Variants in FGR observed in about 807,000 individuals in gnomAD.
FGR encodes the protein FGR proto-oncogene, Src family tyrosine kinase, also known as tyrosine-protein kinase Fgr.
FGR carries 26 observed loss-of-function variants against 63.2 expected under a neutral mutation model. The observed-to-expected ratio is 0.41, with a 90% confidence interval of 0.30 to 0.57. FGR has a LOEUF of 0.57. Among genes scored for constraint, FGR ranks in the 20% least tolerant of loss-of-function variants. The pLI is 0.27. For synonymous variants in FGR, 286 were observed against 277.7 expected, an observed-to-expected ratio of 1.03 and a Z score of -0.30; for missense variants, 511 against 690.8, an observed-to-expected ratio of 0.74 and a Z score of 2.92.
At chr1:27,633,469 G>T (rs2090135157) in intron 1 of FGR, among the ~76,000 whole-genome samples, 1 of 152,212 alleles carries the variant, frequency 6.6e-6, no homozygotes, top group South Asian at 2.1e-4. Context: ...CCCAGTATGG[G>T]CTCTCATCAG....
chr1:27,627,436 G>C (rs2090038793), intron 1 of FGR, among the ~76,000 whole-genome samples: 1 of 129,002 alleles, frequency 7.8e-6, no homozygotes, highest in Non-Finnish European at 1.6e-5. Flanking sequence ...ACATAGATGT[G>C]CATGCACATG....
chr1:27,627,003 T>TAA (rs112735579), intron 1 of FGR, among the ~76,000 whole-genome samples: 5 of 150,488 alleles, frequency 3.3e-5, no homozygotes, highest in African/African-American at 1.2e-4. Flanking sequence ...CCCGTCTCTA[T>TAA]AAAAAAAAAT....
At chr1:27,621,449 G>C (rs1183945569) in intron 5 of FGR, 110 bp downstream of exon 5, 7 of 724,104 alleles carry the variant, frequency 9.7e-6, no homozygotes, top group Non-Finnish European at 1.8e-5. Context: ...AAAATTATTA[G>C]ATAAGGAGAC....
At chr1:27,620,584 C>T (rs2089902129) in intron 5 of FGR, among the ~76,000 whole-genome samples, 1 of 151,774 alleles carries the variant, frequency 6.6e-6, no homozygotes, top group South Asian at 2.1e-4. Flanking sequence ...GTCACTGTAC[C>T]CCAGCCTGGG....
chr1:27,613,467 C>T, intron 11 of FGR, 117 bp from the exon 12 acceptor site: 1 of 1,146,646 alleles, frequency 8.7e-7, no homozygotes, highest in Non-Finnish European at 1.2e-6. Flanking sequence ...CTTTGGGAGG[C>T]CAAGGCAGGC....
intron 5 of FGR, among the ~76,000 whole-genome samples, chr1:27,618,620 G>T (rs761336647): frequency 6.6e-6 from 1 of 151,904 alleles, no homozygotes; most frequent in Non-Finnish European, 1.5e-5. Context: ...TCTTCTTCAC[G>T]CCTCCTACCA....
chr1:27,621,635 G>A lies in FGR; in HGVS notation c.352C>T (p.Arg118Trp), dbSNP rs774209795. Residue 118 changes from arginine (R) to tryptophan (W), a missense_variant, in exon 5 of 13, where the codon CGG becomes TGG. Coordinates refer to ENST00000374005, the MANE Select transcript of FGR (RefSeq NM_005248.3). ...CCAGTTTTTCCGGAGCTGAGAGACC[G>A]AGCCTCCCACCAGTCACCTTCACTG... Reference protein sequence around the residue: ...NNTEGDWWEARSLSSGKTGCI... With the variant: ...NNTEGDWWEAWSLSSGKTGCI... 20 of 1,613,732 alleles carry A rather than the reference G, an allele frequency of 1.2e-5. No homozygotes were observed. Among genetic ancestry groups the A allele is most frequent in the South Asian group, 8.8e-5 (8 of 91,068 alleles).
chr1:27,620,991 CAAAAAAAAAAA>C lies in FGR; in HGVS notation c.428+557_428+567del, dbSNP rs59265327. Among the ~76,000 whole-genome samples, 63 of 22,038 alleles carry C rather than the reference CAAAAAAAAAAA, an allele frequency of 2.9e-3. No individual in the cohort carries two copies. The South Asian group carries it at 0.055, about 19-fold the overall frequency. The allele number at this position is 22,038 out of a possible 152,430, so 14.5% of individuals were successfully genotyped here. ...TAGGCAACAGAGTAGGACCCTGTCTCAAAAAAAAAAAAAAAAAAAAAAAAAAAAGAAAGAAA... is the reference window on the plus strand; with the variant it reads ...TAGGCAACAGAGTAGGACCCTGTCTCAAAAAAAAAAAAAAAAAGAAAGAAA... On this transcript the variant is annotated intron_variant, in intron 5 of 12. Coordinates refer to ENST00000374005, the MANE Select transcript of FGR (RefSeq NM_005248.3).
chr1:27,617,374 G>T lies in FGR; in HGVS notation c.429-78C>A. 1.0e-6 allele frequency: 1 copy of T among 990,298 alleles called. No individual in the cohort carries two copies. The highest frequency in any genetic ancestry group is 1.6e-6 in the Non-Finnish European group (1 of 624,968). 61.3% of individuals were successfully genotyped at this position (990,298 alleles called of 1,614,324 possible). On this transcript the variant is annotated intron_variant, in intron 5 of 12. Transcript: ENST00000374005. This position sits in a 1 kb window ranked among gnomAD's most constrained non-coding sequence, Gnocchi z 4.5. ...AGCCTCCTGCACAGTCACCTCACAA[G>T]CCAAGACTCCATTTTCCCCATGTGT...
chr1:27,633,856 A>G (rs2090140242), intron 1 of FGR, among the ~76,000 whole-genome samples: 1 of 152,382 alleles, frequency 6.6e-6, no homozygotes, highest in South Asian at 2.1e-4. Flanking sequence ...GACACTCAGC[A>G]AAAACTGCTT....
intron 5 of FGR, among the ~76,000 whole-genome samples, chr1:27,619,151 C>T (rs757453130): frequency 5.9e-5 from 9 of 152,244 alleles, no homozygotes; most frequent in Non-Finnish European, 1.3e-4. Flanking sequence ...ACTCTCCACT[C>T]TCTTCCTTAA....
rs1044719488 is a variant in FGR at position 27,617,101 on chromosome 1, A to G, written c.532+92T>C. ...AGCAGCATCCCTAGGACCTGGTCCCAGTCTTGGCCTTAACCCAAGCAGCCT... is the reference window on the plus strand; with the variant it reads ...AGCAGCATCCCTAGGACCTGGTCCCGGTCTTGGCCTTAACCCAAGCAGCCT... On this transcript the variant is annotated intron_variant, in intron 6 of 12. Coordinates refer to ENST00000374005, the MANE Select transcript of FGR (RefSeq NM_005248.3). This position sits in a 1 kb window ranked among gnomAD's most constrained non-coding sequence, Gnocchi z 4.5. 4 of 1,599,500 alleles carry G rather than the reference A, an allele frequency of 2.5e-6. No homozygotes were observed. In the Admixed American group the frequency reaches 6.7e-5, roughly 27 times the overall value.
chr1:27,625,614 T>A (rs2090008426), intron 1 of FGR, among the ~76,000 whole-genome samples: 1 of 152,112 alleles, frequency 6.6e-6, no homozygotes, highest in Non-Finnish European at 1.5e-5. Flanking sequence ...CATGCTCAGC[T>A]CCCTCACAGT....
intron 5 of FGR, among the ~76,000 whole-genome samples, chr1:27,618,674 G>T (rs528695842): frequency 1.3e-5 from 2 of 151,936 alleles, no homozygotes; most frequent in South Asian, 4.2e-4. Flanking sequence ...TCTGAACCTC[G>T]CCTACCCGCT....
chr1:27,628,376 C>T (rs566449082), intron 1 of FGR, among the ~76,000 whole-genome samples: 1 of 152,056 alleles, frequency 6.6e-6, no homozygotes, highest in South Asian at 2.1e-4. Flanking sequence ...CATGATGTAT[C>T]CTGGTGTTTG....
At chr1:27,627,452 AC>A (rs1323371161) in intron 1 of FGR, among the ~76,000 whole-genome samples, 1 of 141,574 alleles carries the variant, frequency 7.1e-6, no homozygotes, top group Non-Finnish European at 1.5e-5. Flanking sequence ...ACATGAACAC[AC>A]ACACACACAC....
rs2148522941 is a variant in FGR at position 27,613,336 on chromosome 1, T to C, written c.1264A>G (p.Ile422Val). ...GCAGCTTCTGGGGCTGTCCACTTGATGGGGAACTTGGAACCTGGAGAAGAT... is the reference window on the plus strand; with the variant it reads ...GCAGCTTCTGGGGCTGTCCACTTGACGGGGAACTTGGAACCTGGAGAAGAT... ...YNPCQGSKFP[I>V]KWTAPEAALF... Residue 422 changes from isoleucine (I) to valine (V), a missense_variant, in exon 12 of 13, where the codon ATC (isoleucine) becomes GTC (valine). Transcript: ENST00000374005. The C allele has an allele frequency of 6.2e-7, 1 of 1,613,894 alleles. No homozygotes were observed. Among genetic ancestry groups the C allele is most frequent in the East Asian group, 2.2e-5 (1 of 44,880 alleles).
chr1:27,621,541 GC>G lies in FGR; in HGVS notation c.428+17del, dbSNP rs776984342. ...GGGTCCTGTCCATAGGGCTGGTCTT[GC>G]CCCAATCCCTACTTACTCTTCAGCT... is the stretch of plus-strand genomic sequence containing the variant. On this transcript the variant is annotated intron_variant, in intron 5 of 12. Transcript: ENST00000374005. 2 of 1,595,600 alleles carry G rather than the reference GC, an allele frequency of 1.3e-6. No individual in the cohort carries two copies. The highest frequency in any genetic ancestry group is 1.1e-5 in the South Asian group (1 of 90,694).
chr1:27,633,846 G>A (rs2090140177), intron 1 of FGR, among the ~76,000 whole-genome samples: 1 of 152,182 alleles, frequency 6.6e-6, no homozygotes, highest in South Asian at 2.1e-4. Flanking sequence ...AACCCTTCAG[G>A]ACACTCAGCA....
Sources: gnomAD v4.1 joint callset for allele counts (sites outside exome capture counted in the v4.1 genomes callset) on GRCh38, gnomAD v4.1.1 for gene constraint, Gnocchi (gnomAD v3.1) non-coding constraint, MANE v1.5 for transcripts, NCBI Gene and HGNC (gene_info 2026-07-23, HGNC 2026-07-21) for gene names.